NRCAM: variants seen among roughly 807,000 people sequenced by gnomAD.
NRCAM encodes neuronal cell adhesion molecule.
In NRCAM, 83 loss-of-function variants were observed where a neutral mutation model predicts 156.5. The ratio of observed to expected loss-of-function variants is 0.53; its 90% CI spans 0.44 to 0.64. The LOEUF (loss-of-function observed/expected upper bound fraction) is 0.64. Ranked by LOEUF, NRCAM falls within the 30% of genes least tolerant of loss-of-function variation. The pLI is 0.00. For missense variants in NRCAM, 1,417 were observed against 1,597.3 expected (o/e 0.89, Z 1.92); for synonymous variants, 538 against 563.9 (o/e 0.95, Z 0.65).
chr7:108,370,292 C>T (rs1360760281), intron 2 of NRCAM, among the ~76,000 whole-genome samples: 1 of 152,070 alleles, frequency 6.6e-6, no homozygotes, highest in Non-Finnish European at 1.5e-5. Context: ...AGTTAGGCTT[C>T]GGGTGCATTC....
rs144012589 is a variant in NRCAM at position 108,341,073 on chromosome 7, TG to T, written c.-173-28343del. ...TGCCTAATAGGGCTTGCTTCCAGTG[TG>T]GTCTACAAGGACACTTTAAAAAGAT... is the stretch of plus-strand genomic sequence containing the variant. On this transcript the variant is annotated intron_variant, in intron 2 of 32. Transcript: ENST00000379028. 9.9e-3 allele frequency among the ~76,000 whole-genome samples: 1,505 copies of T among 152,276 alleles called. 32 individuals carry two copies. Among genetic ancestry groups the T allele is most frequent in the African/African-American group, 0.033 (1,371 of 41,538 alleles).
intron 2 of NRCAM, among the ~76,000 whole-genome samples, chr7:108,364,936 T>C (rs2099583013): frequency 6.6e-6 from 1 of 152,166 alleles, no homozygotes; most frequent in Admixed American, 6.5e-5. Context: ...ACAACTCAAT[T>C]GTGCACTTTC....
At chr7:108,446,325 G>C (rs748053675) in intron 1 of NRCAM, among the ~76,000 whole-genome samples, 10 of 152,108 alleles carry the variant, frequency 6.6e-5, no homozygotes, top group Non-Finnish European at 1.2e-4. Flanking sequence ...TAAATGTTTG[G>C]TTTCTCATGG....
chr7:108,275,770 T>C (rs1163603783), intron 3 of NRCAM, among the ~76,000 whole-genome samples: 1 of 152,244 alleles, frequency 6.6e-6, no homozygotes, highest in East Asian at 1.9e-4. Flanking sequence ...TATTGTCTTC[T>C]GCTAGCTTTT....
At chr7:108,278,224 A>C (rs986983130) in intron 3 of NRCAM, among the ~76,000 whole-genome samples, 1 of 152,212 alleles carries the variant, frequency 6.6e-6, no homozygotes, top group Non-Finnish European at 1.5e-5. Flanking sequence ...CAGTCTGTCC[A>C]TTATCGGATC....
At chr7:108,325,665 T>G (rs1038468522) in intron 2 of NRCAM, among the ~76,000 whole-genome samples, 1 of 152,166 alleles carries the variant, frequency 6.6e-6, no homozygotes, top group Non-Finnish European at 1.5e-5. Context: ...CATGTCTTAT[T>G]GATTCATCTT....
At chr7:108,341,887 C>A (rs563462288) in intron 2 of NRCAM, among the ~76,000 whole-genome samples, 76 of 152,274 alleles carry the variant, frequency 5.0e-4, no homozygotes, top group Admixed American at 4.3e-3. Flanking sequence ...AGGCCGTTGT[C>A]CCTCTATACC....
intron 2 of NRCAM, among the ~76,000 whole-genome samples, chr7:108,370,378 A>G (rs1168736814): frequency 2.0e-5 from 3 of 152,164 alleles, no homozygotes; most frequent in Non-Finnish European, 2.9e-5. Context: ...ATAGAATCAG[A>G]GAGTCAGGCA....
chr7:108,238,811 GC>G (rs2095325776), intron 4 of NRCAM, among the ~76,000 whole-genome samples: 2 of 151,990 alleles, frequency 1.3e-5, no homozygotes, highest in Non-Finnish European at 2.9e-5. Flanking sequence ...AATAAGAAAA[GC>G]ACTGCATTTT....
intron 2 of NRCAM, among the ~76,000 whole-genome samples, chr7:108,346,240 G>T (rs1345415597): frequency 1.3e-5 from 2 of 152,174 alleles, no homozygotes; most frequent in African/African-American, 2.4e-5. Context: ...TACGGATGAC[G>T]AAACTTTGGG....
chr7:108,237,529 TA>T (rs1281800848), intron 5 of NRCAM, among the ~76,000 whole-genome samples: 81 of 152,148 alleles, frequency 5.3e-4, no homozygotes, highest in Non-Finnish European at 1.2e-4. Context: ...AGCACACTGG[TA>T]AAAGAAAGAG....
Position 108,207,513 on chromosome 7 carries a change from C to T in NRCAM, c.1207+15G>A, listed in dbSNP as rs769552640. ...TGAAAATATACTGCAATTAGAACCA[C>T]TCAAGGCAACTTACTTTCTATTGGG... is the stretch of plus-strand genomic sequence containing the variant. On this transcript the variant is annotated intron_variant, in intron 13 of 32. Transcript: ENST00000379028. 2.5e-6 allele frequency: 4 copies of T among 1,613,060 alleles called. No individual in the cohort carries two copies. Among genetic ancestry groups the T allele is most frequent in the East Asian group, 2.2e-5 (1 of 44,872 alleles).
At chr7:108,224,051 A>G (rs1324099042) in intron 10 of NRCAM, among the ~76,000 whole-genome samples, 1 of 152,176 alleles carries the variant, frequency 6.6e-6, no homozygotes, top group Non-Finnish European at 1.5e-5. Flanking sequence ...TTTTGGTGGC[A>G]TAAGCACTAA....
chr7:108,353,128 A>G (rs916326938), intron 2 of NRCAM, among the ~76,000 whole-genome samples: 2 of 151,472 alleles, frequency 1.3e-5, no homozygotes, highest in African/African-American at 2.4e-5. Flanking sequence ...CTTCTCAGAG[A>G]TAATTCTTCT....
At chr7:108,225,379 G>A (rs1286726154) in intron 10 of NRCAM, among the ~76,000 whole-genome samples, 1 of 152,124 alleles carries the variant, frequency 6.6e-6, no homozygotes, top group Admixed American at 6.6e-5. Flanking sequence ...TACGTGAAAG[G>A]TTTTTCCAAA....
chr7:108,383,971 G>C (rs1400527492), intron 2 of NRCAM, among the ~76,000 whole-genome samples: 1 of 152,020 alleles, frequency 6.6e-6, no homozygotes, highest in African/African-American at 2.4e-5. Flanking sequence ...GAGAACATGA[G>C]GTATTTGATT....
chr7:108,350,420 G>T (rs998196080), intron 2 of NRCAM, among the ~76,000 whole-genome samples: 3 of 152,202 alleles, frequency 2.0e-5, no homozygotes, highest in African/African-American at 7.2e-5. Context: ...TAGGCCTGAA[G>T]AACTAGGAGC....
At chr7:108,294,381 CCT>C (rs1410097785) in intron 3 of NRCAM, among the ~76,000 whole-genome samples, 1 of 151,896 alleles carries the variant, frequency 6.6e-6, no homozygotes, top group Non-Finnish European at 1.5e-5. Context: ...CTCCAACACC[CCT>C]CTTTCTCCCT....
At chr7:108,196,375 T>G (rs1267509093) in intron 14 of NRCAM, among the ~76,000 whole-genome samples, 6 of 152,150 alleles carry the variant, frequency 3.9e-5, no homozygotes. Context: ...GCCAAAGAGA[T>G]AGTCAACAAA....
Sources: gnomAD v4.1 joint callset for allele counts (sites outside exome capture counted in the v4.1 genomes callset) on GRCh38, gnomAD v4.1.1 for gene constraint, MANE v1.5 for transcripts, NCBI Gene and HGNC (gene_info 2026-07-23, HGNC 2026-07-21) for gene names.